The following KDM2A variants were observed in gnomAD, a reference collection of about 807,000 sequenced individuals.
KDM2A encodes lysine demethylase 2A.
In KDM2A, 3 loss-of-function variants were observed where a neutral mutation model predicts 137.3. That is an observed-to-expected ratio of 0.02 (90% CI 0.01 to 0.06). The LOEUF is 0.06. Among genes scored for constraint, KDM2A ranks in the 10% least tolerant of loss-of-function variants. The pLI is 1.00. For missense variants in KDM2A, 738 were observed against 1,510.6 expected (o/e 0.49, Z 8.48); for synonymous variants, 512 against 541.5 (o/e 0.95, Z 0.76).
At chr11:67,132,668 G>C (rs1855880680) in intron 2 of KDM2A, among the ~76,000 whole-genome samples, 1 of 152,212 alleles carries the variant, frequency 6.6e-6, no homozygotes, top group Non-Finnish European at 1.5e-5. Context: ...GGGTGGTCTA[G>C]AAAGAAATTC....
chr11:67,248,882 G>A (rs1421609063), intron 16 of KDM2A, among the ~76,000 whole-genome samples: 4 of 152,208 alleles, frequency 2.6e-5, no homozygotes, highest in Admixed American at 2.6e-4. Context: ...CCCCAGAGAG[G>A]ACCAGTGCTA....
At position 67,250,391 on chromosome 11, in the gene KDM2A, T is replaced by C; in HGVS notation, c.2361T>C (p.Ser787=). The change falls in exon 17 of 21, where the codon TCT becomes TCC. Residue 787 remains serine, a synonymous_variant. Coordinates refer to ENST00000529006, the MANE Select transcript of KDM2A (RefSeq NM_012308.3). This position sits in a 1 kb window ranked among gnomAD's most constrained non-coding sequence, Gnocchi z 7.1. ...ENNPSGKKEL[S]EVEKAKIRGS... is the part of the protein sequence containing the mutation. ...ATCCCAGCGGCAAAAAGGAGCTGTC[T>C]GAAGTTGAGAAAGCCAAGATCCGGG... 1.2e-6 allele frequency: 2 copies of C among 1,614,050 alleles called. No individual in the cohort carries two copies. The highest frequency in any genetic ancestry group is 1.7e-6 in the Non-Finnish European group (2 of 1,179,886).
chr11:67,202,751 G>A (rs1178132672), intron 5 of KDM2A, among the ~76,000 whole-genome samples: 2 of 152,114 alleles, frequency 1.3e-5, no homozygotes, highest in African/African-American at 4.8e-5. Context: ...GCTCCAGCCT[G>A]GGCGACAGAG....
chr11:67,240,497 G>T, intron 12 of KDM2A: 1 of 770,642 alleles, frequency 1.3e-6, no homozygotes, highest in Non-Finnish European at 2.0e-6. Flanking sequence ...GTTACTTCGT[G>T]TTGCTTGAGC....
At chr11:67,173,316 T>G (rs181631762) in intron 2 of KDM2A, among the ~76,000 whole-genome samples, 1 of 152,358 alleles carries the variant, frequency 6.6e-6, no homozygotes. Context: ...GAGACGGGGT[T>G]TCTCCGTGTT....
intron 6 of KDM2A, among the ~76,000 whole-genome samples, chr11:67,210,370 C>G (rs1313374532): frequency 6.6e-6 from 1 of 151,880 alleles, no homozygotes; most frequent in East Asian, 1.9e-4. Flanking sequence ...AACTAAGCAG[C>G]AACAAGAAAA....
intron 2 of KDM2A, among the ~76,000 whole-genome samples, chr11:67,125,096 C>G (rs1003354908): frequency 6.0e-5 from 9 of 151,080 alleles, no homozygotes; most frequent in African/African-American, 2.2e-4. Flanking sequence ...CTGCTGACCT[C>G]GTGATCCGCC....
intron 12 of KDM2A, among the ~76,000 whole-genome samples, chr11:67,239,716 G>T (rs1858968402): frequency 6.6e-6 from 1 of 152,244 alleles, no homozygotes. Flanking sequence ...GACCCTGAGG[G>T]GAAGGGTGTG....
intron 6 of KDM2A, among the ~76,000 whole-genome samples, chr11:67,212,468 A>G (rs897598690): frequency 3.5e-4 from 53 of 152,150 alleles, no homozygotes; most frequent in African/African-American, 1.2e-3. Flanking sequence ...AATAATACAC[A>G]TTTGTTTGGT....
In KDM2A at chr11:67,250,914, GAATT is replaced by G; in HGVS notation, c.2768+117_2768+120del. ...AAGCCTGTGGGGTCTTATGAGGAGT[GAATT>G]GACCCTTTTTCCCAAACTTTGGGTC... On this transcript the variant is annotated intron_variant, in intron 17 of 20. Transcript: ENST00000529006. The surrounding 1 kb of genome is among the most constrained non-coding windows in gnomAD (Gnocchi z 7.1). 1 of 778,190 alleles carries G rather than the reference GAATT, an allele frequency of 1.3e-6. No homozygotes were observed. The highest frequency in any genetic ancestry group is 2.5e-5 in the Admixed American group (1 of 39,776). The allele number at this position is 778,190 out of a possible 1,614,324, so 48.2% of individuals were successfully genotyped here.
intron 6 of KDM2A, among the ~76,000 whole-genome samples, chr11:67,212,797 T>A (rs941628734): frequency 6.6e-6 from 1 of 150,620 alleles, no homozygotes; most frequent in Non-Finnish European, 1.5e-5. Context: ...AAAAAAAAAA[T>A]ACTCATATGT....
chr11:67,187,168 T>C (rs1166685086), intron 5 of KDM2A, among the ~76,000 whole-genome samples: 2 of 151,984 alleles, frequency 1.3e-5, no homozygotes, highest in Non-Finnish European at 2.9e-5. Context: ...CAGAAGGAAA[T>C]GAGAAAGGAA....
At chr11:67,140,089 G>A (rs905338772) in intron 2 of KDM2A, among the ~76,000 whole-genome samples, 1 of 152,046 alleles carries the variant, frequency 6.6e-6, no homozygotes, top group Non-Finnish European at 1.5e-5. Flanking sequence ...GATTGGGTAC[G>A]GTGGCTTACA....
At chr11:67,187,670 T>C (rs1857241810) in intron 5 of KDM2A, among the ~76,000 whole-genome samples, 1 of 151,980 alleles carries the variant, frequency 6.6e-6, no homozygotes, top group Non-Finnish European at 1.5e-5. Context: ...TGTCTCCTGG[T>C]TCAAGCGATT....
At chr11:67,205,692 G>T (rs1857784369) in intron 5 of KDM2A, among the ~76,000 whole-genome samples, 1 of 151,930 alleles carries the variant, frequency 6.6e-6, no homozygotes, top group African/African-American at 2.4e-5. Flanking sequence ...ATGTTACCCA[G>T]GCTGGTCTCA....
chr11:67,165,276 C>T (rs1023570579), intron 2 of KDM2A, among the ~76,000 whole-genome samples: 1 of 152,098 alleles, frequency 6.6e-6, no homozygotes, highest in Non-Finnish European at 1.5e-5. Flanking sequence ...GCATGCGCCG[C>T]CACACCTGGC....
chr11:67,227,327 T>C (rs1461859529), intron 10 of KDM2A, among the ~76,000 whole-genome samples: 2 of 152,214 alleles, frequency 1.3e-5, no homozygotes, highest in Non-Finnish European at 2.9e-5. Context: ...TGTAATAGCC[T>C]AATATGAACA....
Position 67,119,674 on chromosome 11 carries a change from G to C in KDM2A, c.-459G>C, listed in dbSNP as rs1855552148. 6.7e-6 allele frequency: 1 copy of C among 149,084 alleles called. No homozygotes were observed. Among genetic ancestry groups the C allele is most frequent in the Non-Finnish European group, 1.5e-5 (1 of 66,834 alleles). The allele number at this position is 149,084 out of a possible 1,614,324, so 9.2% of individuals were successfully genotyped here. A position where few individuals can be genotyped will look rare whatever the true frequency, so the allele number is the denominator to read the frequency against. ...TCGGGCCGGCCGGTCTCAGCTGATC[G>C]GCCGCTGCTCCCGCAGGCGACCAGC... On this transcript the variant is annotated 5_prime_UTR_variant, in exon 1 of 21. Coordinates refer to ENST00000529006, the MANE Select transcript of KDM2A (RefSeq NM_012308.3).
chr11:67,221,295 G>C (rs1385014515), intron 10 of KDM2A, among the ~76,000 whole-genome samples: 1 of 152,216 alleles, frequency 6.6e-6, no homozygotes, highest in African/African-American at 2.4e-5. Flanking sequence ...GAGATGAGCA[G>C]ATGTGGAGAA....
Sources: allele counts gnomAD v4.1 joint callset (sites outside exome capture counted in the v4.1 genomes callset), GRCh38; gene constraint gnomAD v4.1.1; non-coding constraint Gnocchi (gnomAD v3.1); transcripts MANE v1.5; gene names NCBI Gene and HGNC (gene_info 2026-07-23, HGNC 2026-07-21).